TAX1BP3: variants seen among roughly 807,000 people sequenced by gnomAD.
The protein encoded by TAX1BP3 is Tax1 binding protein 3.
Under a neutral mutation model 15.3 loss-of-function variants are expected in TAX1BP3, and 13 were observed. That is an observed-to-expected ratio of 0.85 (90% CI 0.55 to 1.35). The LOEUF is 1.35. TAX1BP3 is among the 40% of genes most tolerant of loss of function. TAX1BP3 has a pLI of 0.00. For missense variants in TAX1BP3, 147 were observed against 169.6 expected (o/e 0.87, Z 0.74); for synonymous variants, 70 against 66.0 (o/e 1.06, Z -0.30).
At chr17:3,665,266 C>T (rs1479671826) in intron 1 of TAX1BP3, 1 of 1,385,848 alleles carries the variant, frequency 7.2e-7, no homozygotes, top group African/African-American at 1.5e-5. Context: ...TATATGTTCT[C>T]TAGGCCTTTT....
At chr17:3,666,619 G>T (rs222757) in intron 1 of TAX1BP3, among the ~76,000 whole-genome samples, 69,842 of 151,882 alleles carry the variant, frequency 0.46, 16,785 homozygotes, top group African/African-American at 0.6. Context: ...ATATTCTCAG[G>T]ATTCTACATG....
Position 3,668,339 on chromosome 17 carries a change from G to T in TAX1BP3, c.39+149C>A. ...TTCGTGGCTGGGGGAACTGCGGCCC[G>T]CTCCGGCAAAGCGGGGACCCGAGCC... On this transcript the variant is annotated intron_variant, in intron 1 of 3. Transcript: ENST00000225525. The surrounding 1 kb of genome is among the most constrained non-coding windows in gnomAD (Gnocchi z 4.1). The T allele has an allele frequency of 9.4e-7, 1 of 1,069,086 alleles. No homozygotes were observed. The highest frequency in any genetic ancestry group is 1.3e-6 in the Non-Finnish European group (1 of 763,872). The allele number at this position is 1,069,086 out of a possible 1,614,324, so 66.2% of individuals were successfully genotyped here.
At chr17:3,665,739 C>CA (rs2076332632) in intron 1 of TAX1BP3, 2 of 223,110 alleles carry the variant, frequency 9.0e-6, no homozygotes, top group African/African-American at 7.6e-5. Flanking sequence ...GATCTCTGGG[C>CA]TCCAAAAAAA....
intron 1 of TAX1BP3, chr17:3,665,394 G>T: frequency 6.9e-7 from 1 of 1,445,240 alleles, no homozygotes; most frequent in East Asian, 2.3e-5. Context: ...GGGTTACCAT[G>T]GCAAAACTGG....
At chr17:3,667,887 G>A (rs2076358335) in intron 1 of TAX1BP3, among the ~76,000 whole-genome samples, 2 of 152,262 alleles carry the variant, frequency 1.3e-5, no homozygotes, top group African/African-American at 4.8e-5. Context: ...CAGGAGGGAG[G>A]CCTGGACTTT....
chr17:3,664,204 C>T lies in TAX1BP3; in HGVS notation c.228G>A (p.Lys76=), dbSNP rs370410189. 1 of 1,614,026 alleles carries T rather than the reference C, an allele frequency of 6.2e-7. No homozygotes were observed. Among genetic ancestry groups the T allele is most frequent in the African/African-American group, 1.3e-5 (1 of 74,950 alleles). ...AEIAGLQIGD[K]IMQVNGWDMT... Reference sequence around the variant, plus strand: ...TTGGGACACCTGTTACCTGCATGATCTTGTCTCCAATCTGCAGCCCAGCGA... The same window carrying T: ...TTGGGACACCTGTTACCTGCATGATTTTGTCTCCAATCTGCAGCCCAGCGA... The change falls in exon 3 of 4, where the codon AAG becomes AAA. Residue 76 remains lysine (K), a synonymous_variant. Transcript: ENST00000225525.
At chr17:3,667,466 T>C (rs976522022) in intron 1 of TAX1BP3, among the ~76,000 whole-genome samples, 1 of 152,012 alleles carries the variant, frequency 6.6e-6, no homozygotes, top group East Asian at 1.9e-4. Context: ...TCAGCCTCAC[T>C]TGTCGCCTTT....
chr17:3,667,679 C>G (rs965041075), intron 1 of TAX1BP3, among the ~76,000 whole-genome samples: 9 of 152,218 alleles, frequency 5.9e-5, no homozygotes, highest in Non-Finnish European at 1.2e-4. Flanking sequence ...GTGGTCTTTT[C>G]TGGCTGAGCA....
intron 1 of TAX1BP3, among the ~76,000 whole-genome samples, chr17:3,667,660 T>C (rs1355255222): frequency 6.6e-6 from 1 of 152,206 alleles, no homozygotes; most frequent in African/African-American, 2.4e-5. Context: ...GACCTGAGTC[T>C]TTCCTGAGGT....
At chr17:3,665,450 C>G in intron 1 of TAX1BP3, 1 of 1,423,090 alleles carries the variant, frequency 7.0e-7, no homozygotes, top group Non-Finnish European at 9.8e-7. Flanking sequence ...TTGTTGTAAA[C>G]AAACAAGTTA....
rs1335011275 is a variant in TAX1BP3 at position 3,663,101 on chromosome 17, C to T, written c.*647G>A. On this transcript the variant is annotated 3_prime_UTR_variant, in exon 4 of 4. Coordinates refer to ENST00000225525, the MANE Select transcript of TAX1BP3 (RefSeq NM_014604.4). ...GATTAAAAAAATACAAAAGTTAAAC[C>T]CACAGGCAAAGAGGAAAATGACAAT... The T allele has an allele frequency of 1.3e-5, 2 of 152,218 alleles. No homozygotes were observed. Among genetic ancestry groups the T allele is most frequent in the East Asian group, 3.9e-4 (2 of 5,190 alleles). 9.4% of individuals were successfully genotyped at this position (152,218 alleles called of 1,614,324 possible). A position where few individuals can be genotyped will look rare whatever the true frequency, so the allele number is the denominator to read the frequency against.
rs900330807 is a variant in TAX1BP3 at position 3,663,279 on chromosome 17, A to C, written c.*469T>G. On this transcript the variant is annotated 3_prime_UTR_variant, in exon 4 of 4. Transcript: ENST00000225525. The stretch of plus-strand genomic sequence containing the variant: ...AAAGCTTCGTAGCGCCTCTGGCAGG[A>C]TGTGTGTCCAGTCCCCCGAGGGGCA... The C allele has an allele frequency of 1.3e-5, 2 of 153,744 alleles. No individual in the cohort carries two copies. Among genetic ancestry groups the C allele is most frequent in the Non-Finnish European group, 2.9e-5 (2 of 69,190 alleles). The allele number at this position is 153,744 out of a possible 1,614,324, so 9.5% of individuals were successfully genotyped here.
chr17:3,665,213 C>A, intron 1 of TAX1BP3: 1 of 1,273,300 alleles, frequency 7.9e-7, no homozygotes, highest in South Asian at 1.2e-5. Context: ...TCCAGTAATT[C>A]GCCAAAATGA....
Position 3,663,240 on chromosome 17 carries a change from G to C in TAX1BP3, c.*508C>G, listed in dbSNP as rs1260168277. 2 of 152,762 alleles carry C rather than the reference G, an allele frequency of 1.3e-5. No individual in the cohort carries two copies. Among genetic ancestry groups the C allele is most frequent in the Non-Finnish European group, 2.9e-5 (2 of 68,464 alleles). The allele number at this position is 152,762 out of a possible 1,614,324, so 9.5% of individuals were successfully genotyped here. A position where few individuals can be genotyped will look rare whatever the true frequency, so the allele number is the denominator to read the frequency against. ...GTGGGAGTGAACGCGGAGCCCACCT[G>C]GCTTCATCTGGGCAAAGCTTCGTAG... On this transcript the variant is annotated 3_prime_UTR_variant, in exon 4 of 4. Coordinates refer to ENST00000225525, the MANE Select transcript of TAX1BP3 (RefSeq NM_014604.4).
intron 2 of TAX1BP3, 163 bp downstream of exon 2, chr17:3,664,516 C>G (rs1004972922): frequency 4.5e-6 from 5 of 1,106,256 alleles, no homozygotes; most frequent in Non-Finnish European, 6.7e-6. Context: ...CCCTTCCTCA[C>G]CCCACCCGTC....
intron 1 of TAX1BP3, among the ~76,000 whole-genome samples, chr17:3,666,683 A>C (rs1406094117): frequency 6.6e-6 from 1 of 152,066 alleles, no homozygotes; most frequent in African/African-American, 2.4e-5. Context: ...CCAATCCAAG[A>C]CTCGAGGGAG....
intron 1 of TAX1BP3, chr17:3,665,166 A>C: frequency 5.8e-6 from 5 of 867,094 alleles, no homozygotes; most frequent in Admixed American, 1.7e-5. Flanking sequence ...CATAGAAAGG[A>C]GAGGAAGGGG....
chr17:3,668,276 A>G lies in TAX1BP3; in HGVS notation c.39+212T>C, dbSNP rs1406842010. Among the ~76,000 whole-genome samples the G allele has an allele frequency of 1.3e-5, 2 of 151,998 alleles. No individual in the cohort carries two copies. The highest frequency in any genetic ancestry group is 2.9e-5 in the Non-Finnish European group (2 of 67,994). ...TGCGCACGCAGTCTGGGCTCTGTCC[A>G]GGGTCTCGGGAGGCTCTCGGGTCCC... On this transcript the variant is annotated intron_variant, in intron 1 of 3. Coordinates refer to ENST00000225525, the MANE Select transcript of TAX1BP3 (RefSeq NM_014604.4). The surrounding 1 kb of genome is among the most constrained non-coding windows in gnomAD (Gnocchi z 4.1).
chr17:3,668,341 TC>T lies in TAX1BP3; in HGVS notation c.39+146del. On this transcript the variant is annotated intron_variant, in intron 1 of 3. Transcript: ENST00000225525. This position sits in a 1 kb window ranked among gnomAD's most constrained non-coding sequence, Gnocchi z 4.1. ...CGTGGCTGGGGGAACTGCGGCCCGC[TC>T]CGGCAAAGCGGGGACCCGAGCCCTT... 9.2e-7 allele frequency: 1 copy of T among 1,086,506 alleles called. No individual in the cohort carries two copies. The highest frequency in any genetic ancestry group is 1.3e-6 in the Non-Finnish European group (1 of 779,012). 67.3% of individuals were successfully genotyped at this position (1,086,506 alleles called of 1,614,324 possible). A position where few individuals can be genotyped will look rare whatever the true frequency, so the allele number is the denominator to read the frequency against.
Sources: gnomAD v4.1 joint callset for allele counts (sites outside exome capture counted in the v4.1 genomes callset) on GRCh38, gnomAD v4.1.1 for gene constraint, Gnocchi (gnomAD v3.1) non-coding constraint, MANE v1.5 for transcripts, NCBI Gene and HGNC (gene_info 2026-07-23, HGNC 2026-07-21) for gene names.